Variants in EPB41L4A observed in about 807,000 individuals in gnomAD.
EPB41L4A encodes erythrocyte membrane protein band 4.1 like 4A, also known as band 4.1-like protein 4A.
A neutral mutation model predicts 108.6 loss-of-function variants in EPB41L4A; 100 were observed. The observed-to-expected ratio is 0.92, with a 90% confidence interval of 0.78 to 1.09. The LOEUF is 1.09. Ranked by LOEUF, EPB41L4A falls within the 50% of genes least tolerant of loss-of-function variation. The probability of loss-of-function intolerance (pLI) is 0.00; values close to 1 mark genes in which losing one functional copy is unlikely to be tolerated. For synonymous variants in EPB41L4A, 319 were observed against 289.0 expected (o/e 1.10, Z -1.05); for missense variants, 1,030 against 842.7 (o/e 1.22, Z -2.75).
intron 12 of EPB41L4A, among the ~76,000 whole-genome samples, chr5:112,151,032 T>C (rs749258943): frequency 1.5e-4 from 23 of 152,128 alleles, no homozygotes; most frequent in Non-Finnish European, 3.2e-4. Flanking sequence ...TGGGGAGGGA[T>C]CTGAGATTCT....
chr5:112,304,075 G>A (rs1754543259), intron 2 of EPB41L4A, among the ~76,000 whole-genome samples: 1 of 152,100 alleles, frequency 6.6e-6, no homozygotes, highest in Non-Finnish European at 1.5e-5. Context: ...GGTCAAGAAA[G>A]TGGGAAGTTT....
intron 12 of EPB41L4A, among the ~76,000 whole-genome samples, chr5:112,211,858 C>G (rs777165218): frequency 6.6e-6 from 1 of 152,192 alleles, no homozygotes; most frequent in Non-Finnish European, 1.5e-5. Flanking sequence ...GATTCCATAT[C>G]TGAATTGTGT....
intron 13 of EPB41L4A, 116 bp from the exon 14 acceptor site, chr5:112,205,620 G>C (rs999680802): frequency 5.1e-6 from 4 of 779,492 alleles, no homozygotes; most frequent in South Asian, 1.8e-5. Context: ...ACACTTATTT[G>C]CTTGTTTATA....
chr5:112,338,659 C>T (rs1724001520), intron 1 of EPB41L4A, among the ~76,000 whole-genome samples: 1 of 152,216 alleles, frequency 6.6e-6, no homozygotes. Flanking sequence ...GCAGTTATAA[C>T]TTGACAAACA....
At chr5:112,271,641 C>A (rs572193964) in intron 4 of EPB41L4A, among the ~76,000 whole-genome samples, 1 of 152,288 alleles carries the variant, frequency 6.6e-6, no homozygotes, top group East Asian at 1.9e-4. Flanking sequence ...AGATACAGAG[C>A]TATGAAGGAC....
chr5:112,234,527 T>G, intron 12 of EPB41L4A, 107 bp downstream of exon 12: 1 of 1,040,716 alleles, frequency 9.6e-7, no homozygotes, highest in Non-Finnish European at 1.3e-6. Context: ...TATTGGAAAT[T>G]TCAATAGAAA....
chr5:112,235,952 C>A (rs1749303038), intron 11 of EPB41L4A, among the ~76,000 whole-genome samples: 1 of 152,006 alleles, frequency 6.6e-6, no homozygotes, highest in South Asian at 2.1e-4. Flanking sequence ...ACATAGATTT[C>A]CAAAAAGCTA....
At chr5:112,399,243 C>A (rs1051206684) in intron 1 of EPB41L4A, among the ~76,000 whole-genome samples, 1 of 152,176 alleles carries the variant, frequency 6.6e-6, no homozygotes, top group Non-Finnish European at 1.5e-5. Context: ...GTTGCTCCCT[C>A]TGCCTTGAAC....
chr5:112,274,520 A>T (rs1411473091), intron 4 of EPB41L4A, among the ~76,000 whole-genome samples: 1 of 152,180 alleles, frequency 6.6e-6, no homozygotes. Flanking sequence ...AAAGCATGGA[A>T]TAGAAACAAA....
intron 12 of EPB41L4A, among the ~76,000 whole-genome samples, chr5:112,149,380 G>T (rs1458155651): frequency 6.6e-6 from 1 of 152,178 alleles, no homozygotes; most frequent in Non-Finnish European, 1.5e-5. Context: ...GCTGAGGCAG[G>T]AGAATCGCGT....
At chr5:112,240,471 C>T (rs1014298937) in intron 10 of EPB41L4A, among the ~76,000 whole-genome samples, 2 of 152,132 alleles carry the variant, frequency 1.3e-5, no homozygotes, top group Non-Finnish European at 2.9e-5. Flanking sequence ...AAAAATATTA[C>T]CTCGATCCTT....
chr5:112,263,042 C>T (rs183247861), intron 6 of EPB41L4A, among the ~76,000 whole-genome samples: 10 of 152,276 alleles, frequency 6.6e-5, no homozygotes, highest in African/African-American at 2.4e-4. Context: ...GATCTCCTGA[C>T]CACATGTGTA....
At chr5:112,311,745 T>C (rs1241413623) in intron 1 of EPB41L4A, among the ~76,000 whole-genome samples, 4 of 152,222 alleles carry the variant, frequency 2.6e-5, no homozygotes, top group Non-Finnish European at 5.9e-5. Context: ...ACTTTCTTAC[T>C]TTCCAGGTTA....
At chr5:112,312,406 C>T (rs1490243629) in intron 1 of EPB41L4A, among the ~76,000 whole-genome samples, 1 of 152,094 alleles carries the variant, frequency 6.6e-6, no homozygotes, top group Non-Finnish European at 1.5e-5. Context: ...CGAGAGGACA[C>T]AAGGAAAGCA....
chr5:112,193,585 G>A (rs1053511878), intron 17 of EPB41L4A, among the ~76,000 whole-genome samples: 2 of 152,212 alleles, frequency 1.3e-5, no homozygotes, highest in African/African-American at 4.8e-5. Flanking sequence ...ACAGGCGTGA[G>A]CCACCGCACC....
intron 1 of EPB41L4A, among the ~76,000 whole-genome samples, chr5:112,342,863 CA>C (rs139055023): frequency 0.064 from 9,688 of 152,280 alleles, 408 homozygotes; most frequent in Middle Eastern, 0.13. Flanking sequence ...CCCAAGCACA[CA>C]TTTCAGCAGT....
chr5:112,327,828 G>A (rs566312437), intron 1 of EPB41L4A, among the ~76,000 whole-genome samples: 1 of 152,272 alleles, frequency 6.6e-6, no homozygotes, highest in South Asian at 2.1e-4. Context: ...AGGGAAGTGG[G>A]CAAGCAGAAC....
chr5:112,169,173 A>C, intron 20 of EPB41L4A, 68 bp from the exon 21 acceptor site: 1 of 1,127,086 alleles, frequency 8.9e-7, no homozygotes, highest in South Asian at 1.2e-5. Context: ...AGGAGTTCTT[A>C]ATATTGAAAC....
At chr5:112,227,217 T>C (rs555551632) in intron 12 of EPB41L4A, among the ~76,000 whole-genome samples, 2 of 152,246 alleles carry the variant, frequency 1.3e-5, no homozygotes, top group Admixed American at 6.5e-5. Context: ...CCAATTTCCT[T>C]TCCAAGCCCC....
Sources: allele counts gnomAD v4.1 joint callset (sites outside exome capture counted in the v4.1 genomes callset), GRCh38; gene constraint gnomAD v4.1.1; transcripts MANE v1.5; gene names NCBI Gene and HGNC (gene_info 2026-07-23, HGNC 2026-07-21).